Variants in REEP5 observed in about 807,000 individuals in gnomAD.
REEP5 encodes the protein receptor expression-enhancing protein 5.
REEP5 carries 24 observed loss-of-function variants against 22.4 expected under a neutral mutation model. The observed-to-expected ratio is 1.07, with a 90% CI of 0.78 to 1.51. The LOEUF (loss-of-function observed/expected upper bound fraction) is 1.51. REEP5 is among the 40% of genes most tolerant of loss of function. The pLI, the probability that REEP5 is intolerant of heterozygous loss-of-function variation, is 0.00. For missense variants in REEP5, 252 were observed against 233.0 expected (o/e 1.08, Z -0.53); for synonymous variants, 103 against 88.6 (o/e 1.16, Z -0.92).
intron 2 of REEP5, among the ~76,000 whole-genome samples, chr5:112,918,070 A>G (rs1480297596): frequency 6.6e-6 from 1 of 152,178 alleles, no homozygotes; most frequent in African/African-American, 2.4e-5. Flanking sequence ...GTTATCAGTA[A>G]AAGAGGGAAG....
At chr5:112,889,551 C>G (rs1768367780) in intron 3 of REEP5, among the ~76,000 whole-genome samples, 1 of 150,260 alleles carries the variant, frequency 6.7e-6, no homozygotes, top group African/African-American at 2.5e-5. Context: ...CATATGTTTG[C>G]AATAGAATTA....
At chr5:112,919,738 C>T (rs1580758338) in intron 2 of REEP5, among the ~76,000 whole-genome samples, 1 of 152,256 alleles carries the variant, frequency 6.6e-6, no homozygotes, top group East Asian at 1.9e-4. Context: ...CTGCTGGTGC[C>T]TTGGTCCTGG....
In REEP5 at chr5:112,901,613, G is replaced by A. The variant is rs376332338; in HGVS notation, c.351+767C>T. Among the ~76,000 whole-genome samples the A allele has an allele frequency of 1.2e-4, 19 of 152,206 alleles. No individual in the cohort carries two copies. In the East Asian group the frequency reaches 3.3e-3, roughly 26 times the overall value. On this transcript the variant is annotated intron_variant, in intron 3 of 4. Transcript: ENST00000379638. Reference sequence around the variant, plus strand: ...TGTAATCCCAGCTACTCGGGAGGCTGAGGCAGGACAATCACTTGAACCCAG... The same window carrying A: ...TGTAATCCCAGCTACTCGGGAGGCTAAGGCAGGACAATCACTTGAACCCAG...
chr5:112,889,567 A>G (rs552800029), intron 3 of REEP5, among the ~76,000 whole-genome samples: 17 of 150,828 alleles, frequency 1.1e-4, no homozygotes, highest in Middle Eastern at 3.4e-3. Flanking sequence ...AATTATTTTT[A>G]TAATTATATA....
chr5:112,891,470 G>T, intron 3 of REEP5: 1 of 867,032 alleles, frequency 1.2e-6, no homozygotes, highest in Non-Finnish European at 1.7e-6. Context: ...CAATATAAAG[G>T]AGAAACAAAA....
At chr5:112,917,343 T>C (rs985641222) in intron 2 of REEP5, among the ~76,000 whole-genome samples, 2 of 152,250 alleles carry the variant, frequency 1.3e-5, no homozygotes, top group Non-Finnish European at 2.9e-5. Flanking sequence ...CACCTTTCTC[T>C]GTCCCTGAAT....
rs1160143827 is a variant in REEP5 at position 112,878,287 on chromosome 5, T to C, written c.*499A>G. The C allele has an allele frequency of 6.5e-6, 1 of 155,000 alleles. No homozygotes were observed. Among genetic ancestry groups the C allele is most frequent in the African/African-American group, 2.4e-5 (1 of 41,422 alleles). 9.6% of individuals were successfully genotyped at this position (155,000 alleles called of 1,614,324 possible). On this transcript the variant is annotated 3_prime_UTR_variant, in exon 5 of 5. Coordinates refer to ENST00000379638, the MANE Select transcript of REEP5 (RefSeq NM_005669.5). ...AATGACACATACAACCTTCCCCTGCTCCCTCCCCATGAGCATGATGCATGT... is the reference window on the plus strand; with the variant it reads ...AATGACACATACAACCTTCCCCTGCCCCCTCCCCATGAGCATGATGCATGT...
intron 4 of REEP5, among the ~76,000 whole-genome samples, chr5:112,881,608 T>G (rs1580727728): frequency 1.3e-5 from 2 of 152,228 alleles, no homozygotes; most frequent in South Asian, 2.1e-4. Flanking sequence ...CTGGTAGGTG[T>G]TGTTTTTGTT....
In REEP5 at chr5:112,878,524, G is replaced by C. The variant is rs1767965295; in HGVS notation, c.*262C>G. ...TTAAGTTTATATTTCCTGCAGGATA[G>C]CAACATACATCTTTTCCTACCCAGA... is the stretch of plus-strand genomic sequence containing the variant. On this transcript the variant is annotated 3_prime_UTR_variant, in exon 5 of 5. Transcript: ENST00000379638. 2.1e-6 allele frequency: 1 copy of C among 470,730 alleles called. No individual in the cohort carries two copies. The highest frequency in any genetic ancestry group is 3.7e-6 in the Non-Finnish European group (1 of 268,584). The allele number at this position is 470,730 out of a possible 1,614,324, so 29.2% of individuals were successfully genotyped here.
chr5:112,879,330 G>C (rs1172335599), intron 4 of REEP5, among the ~76,000 whole-genome samples: 2 of 151,046 alleles, frequency 1.3e-5, no homozygotes, highest in Admixed American at 6.6e-5. Context: ...GTGTTTGGGG[G>C]GGGGGGCTGG....
rs1462058979 is a variant in REEP5 at position 112,921,758 on chromosome 5, G to A, written c.118+315C>T. The A allele has an allele frequency of 2.0e-5, 5 of 252,466 alleles. No homozygotes were observed. The East Asian group carries it at 5.2e-4, about 26-fold the overall frequency. 15.6% of individuals were successfully genotyped at this position (252,466 alleles called of 1,614,324 possible). A position where few individuals can be genotyped will look rare whatever the true frequency, so the allele number is the denominator to read the frequency against. On this transcript the variant is annotated intron_variant, in intron 1 of 4. Transcript: ENST00000379638. ...CCCGCCCGCAGGGGCCCCGCCGTCC[G>A]CGCCCACCGCGCAGGACAGCAGGAA...
rs947698885 is a variant in REEP5, at chr5:112,911,791, C to G, written c.213-9273G>C. 5.9e-5 allele frequency among the ~76,000 whole-genome samples: 9 copies of G among 152,276 alleles called. No individual in the cohort carries two copies. The East Asian group carries it at 1.7e-3, about 29-fold the overall frequency. The stretch of plus-strand genomic sequence containing the variant: ...ATTGTACCAGTACAGAAGAAAACCA[C>G]TAGCCATATCACATATTTTTAACTT... On this transcript the variant is annotated intron_variant, in intron 2 of 4. Coordinates refer to ENST00000379638, the MANE Select transcript of REEP5 (RefSeq NM_005669.5).
intron 3 of REEP5, among the ~76,000 whole-genome samples, chr5:112,887,454 C>T (rs1351858506): frequency 6.6e-6 from 1 of 152,090 alleles, no homozygotes; most frequent in Non-Finnish European, 1.5e-5. Context: ...ACTTGGACCA[C>T]GTTTTAGTAT....
At chr5:112,890,310 A>C (rs1463534325) in intron 3 of REEP5, among the ~76,000 whole-genome samples, 1 of 150,300 alleles carries the variant, frequency 6.7e-6, no homozygotes, top group Non-Finnish European at 1.5e-5. Flanking sequence ...AAAAAAGTTG[A>C]TATATAAAAC....
At chr5:112,881,216 A>G (rs923223877) in intron 4 of REEP5, among the ~76,000 whole-genome samples, 8 of 151,866 alleles carry the variant, frequency 5.3e-5, no homozygotes, top group Admixed American at 3.3e-4. Context: ...AACATATTCA[A>G]GTAGACTGGA....
rs564287302 is a variant in REEP5 at position 112,888,846 on chromosome 5, C to T, written c.352-1663G>A. On this transcript the variant is annotated intron_variant, in intron 3 of 4. Transcript: ENST00000379638. Reference sequence around the variant, plus strand: ...GACTGACATGGTTTAGCTGTGTCCCCACCCAAATCTCATCTTGAACTGTAG... The same window carrying T: ...GACTGACATGGTTTAGCTGTGTCCCTACCCAAATCTCATCTTGAACTGTAG... 1.6e-4 allele frequency among the ~76,000 whole-genome samples: 24 copies of T among 150,834 alleles called. 1 individual carries two copies. Among genetic ancestry groups the T allele is most frequent in the African/African-American group, 5.2e-4 (21 of 40,582 alleles).
chr5:112,899,184 T>G (rs1354018144), intron 3 of REEP5, among the ~76,000 whole-genome samples: 1 of 151,852 alleles, frequency 6.6e-6, no homozygotes, highest in East Asian at 1.9e-4. Context: ...GCTCAAACCA[T>G]CCTCCCACCT....
chr5:112,901,575 G>A (rs949683081), intron 3 of REEP5, among the ~76,000 whole-genome samples: 10 of 152,116 alleles, frequency 6.6e-5, no homozygotes, highest in African/African-American at 2.2e-4. Flanking sequence ...GACCAGGCGT[G>A]GTGGCACATG....
chr5:112,899,273 T>G (rs1387745275), intron 3 of REEP5, among the ~76,000 whole-genome samples: 1 of 151,684 alleles, frequency 6.6e-6, no homozygotes, highest in Non-Finnish European at 1.5e-5. Context: ...TTTTTTTTTT[T>G]TTGGTCAACA....
Sources: gnomAD v4.1 joint callset for allele counts (sites outside exome capture counted in the v4.1 genomes callset) on GRCh38, gnomAD v4.1.1 for gene constraint, MANE v1.5 for transcripts, NCBI Gene and HGNC (gene_info 2026-07-23, HGNC 2026-07-21) for gene names.